Variants in WWP2 observed in about 807,000 individuals in gnomAD.
The protein encoded by WWP2 is NEDD4-like E3 ubiquitin-protein ligase WWP2.
A neutral mutation model predicts 121.0 loss-of-function variants in WWP2; 57 were observed. That is an observed-to-expected ratio of 0.47 (90% CI 0.38 to 0.59). The LOEUF (loss-of-function observed/expected upper bound fraction) is 0.59. Among genes scored for constraint, WWP2 ranks in the 20% least tolerant of loss-of-function variants. The pLI is 0.00. For synonymous variants in WWP2, 449 were observed against 441.3 expected, an observed-to-expected ratio of 1.02 and a Z score of -0.22; for missense variants, 962 against 1,158.9, an observed-to-expected ratio of 0.83 and a Z score of 2.47.
At chr16:69,918,958 C>G (rs2058515848) in intron 10 of WWP2, among the ~76,000 whole-genome samples, 1 of 150,892 alleles carries the variant, frequency 6.6e-6, no homozygotes, top group African/African-American at 2.4e-5. Flanking sequence ...ATTCTCCTGC[C>G]CCAGCCTCCC....
chr16:69,838,409 T>A (rs1289564099), intron 4 of WWP2, among the ~76,000 whole-genome samples: 5 of 147,962 alleles, frequency 3.4e-5, no homozygotes, highest in Non-Finnish European at 7.4e-5. Context: ...AGGTACTGGA[T>A]CTTGGCGTAA....
chr16:69,897,886 C>T (rs1018373082), intron 8 of WWP2, among the ~76,000 whole-genome samples: 31 of 151,480 alleles, frequency 2.0e-4, no homozygotes, highest in Admixed American at 1.7e-3. Context: ...CTAGCCTGGG[C>T]GACAGAGTGA....
intron 6 of WWP2, among the ~76,000 whole-genome samples, chr16:69,861,302 A>C (rs1195560456): frequency 6.6e-6 from 1 of 152,210 alleles, no homozygotes; most frequent in African/African-American, 2.4e-5. Flanking sequence ...TTCTCAGCTA[A>C]GCCCAACATA....
Position 69,822,532 on chromosome 16 carries a change from G to GGT in WWP2, c.341-17577_341-17576dup, listed in dbSNP as rs142800550. ...GGGAGACTTTGCCTGGCCTGGGTGG[G>GGT]GTGTGTGTGTGTGTGTGTTTGTGTG... On this transcript the variant is annotated intron_variant, in intron 4 of 23. Transcript: ENST00000359154. Among the ~76,000 whole-genome samples, 1,272 of 151,196 alleles carry GGT rather than the reference G, an allele frequency of 8.4e-3. 14 individuals carry two copies. Among genetic ancestry groups the GGT allele is most frequent in the African/African-American group, 0.025 (1,018 of 41,302 alleles).
At chr16:69,847,421 T>G (rs961769488) in intron 6 of WWP2, among the ~76,000 whole-genome samples, 1 of 150,676 alleles carries the variant, frequency 6.6e-6, no homozygotes, top group African/African-American at 2.4e-5. Context: ...TTTTTTTAAT[T>G]TTTTTGAGAT....
At chr16:69,921,849 G>A (rs1239885903) in intron 10 of WWP2, among the ~76,000 whole-genome samples, 10 of 152,090 alleles carry the variant, frequency 6.6e-5, no homozygotes, top group African/African-American at 2.4e-4. Flanking sequence ...TGAGGCAGGC[G>A]GATCACTTGA....
At chr16:69,849,814 A>AC (rs2057167437) in intron 6 of WWP2, among the ~76,000 whole-genome samples, 1 of 150,470 alleles carries the variant, frequency 6.6e-6, no homozygotes, top group Non-Finnish European at 1.5e-5. Context: ...TCTCTTAAAA[A>AC]AAAAATCATG....
At chr16:69,926,433 A>G (rs2058640710) in intron 11 of WWP2, among the ~76,000 whole-genome samples, 1 of 152,188 alleles carries the variant, frequency 6.6e-6, no homozygotes, top group Non-Finnish European at 1.5e-5. Flanking sequence ...GCGCTCGACA[A>G]CAAAGATGGA....
intron 6 of WWP2, among the ~76,000 whole-genome samples, chr16:69,849,175 C>G (rs1022090268): frequency 1.3e-5 from 2 of 152,112 alleles, no homozygotes; most frequent in Non-Finnish European, 2.9e-5. Flanking sequence ...GTGAACACTT[C>G]AGGAAGTCCT....
chr16:69,933,729 C>G (rs147724481), intron 16 of WWP2, among the ~76,000 whole-genome samples: 1 of 152,152 alleles, frequency 6.6e-6, no homozygotes, highest in African/African-American at 2.4e-5. Context: ...GACAATCACA[C>G]GTTTTCCCAA....
intron 4 of WWP2, among the ~76,000 whole-genome samples, chr16:69,808,822 G>A (rs550364998): frequency 6.6e-6 from 1 of 152,300 alleles, no homozygotes; most frequent in Admixed American, 6.5e-5. Flanking sequence ...CATGAACAAC[G>A]CTGACATAAA....
At chr16:69,790,694 G>A (rs2055891248) in intron 2 of WWP2, among the ~76,000 whole-genome samples, 1 of 152,112 alleles carries the variant, frequency 6.6e-6, no homozygotes, top group Non-Finnish European at 1.5e-5. Context: ...TCATGCCTCA[G>A]CCTCCCAAGG....
intron 6 of WWP2, among the ~76,000 whole-genome samples, chr16:69,869,400 T>G (rs2151913419): frequency 1.3e-5 from 2 of 150,542 alleles, no homozygotes; most frequent in South Asian, 4.2e-4. Flanking sequence ...ATTTTTTTTT[T>G]TTGTTAAACA....
At chr16:69,892,270 C>T (rs2058040414) in intron 8 of WWP2, among the ~76,000 whole-genome samples, 2 of 151,968 alleles carry the variant, frequency 1.3e-5, no homozygotes, top group African/African-American at 4.8e-5. Context: ...TATACACGTG[C>T]CATGGTGGTT....
rs527586515 is a variant in WWP2 at position 69,794,986 on chromosome 16, G to A, written c.71-3696G>A. Among the ~76,000 whole-genome samples, 65 of 152,208 alleles carry A rather than the reference G, an allele frequency of 4.3e-4. 1 individual carries two copies. The highest frequency in any genetic ancestry group is 1.5e-3 in the African/African-American group (62 of 41,526). On this transcript the variant is annotated intron_variant, in intron 2 of 23. Transcript: ENST00000359154. ...TCCCAGCATTTTGGAAAGCTCTGGCGGGTAGATCGCTTGAGTCCAGGTGGA... is the reference window on the plus strand; with the variant it reads ...TCCCAGCATTTTGGAAAGCTCTGGCAGGTAGATCGCTTGAGTCCAGGTGGA...
chr16:69,792,132 G>A (rs532685948), intron 2 of WWP2, among the ~76,000 whole-genome samples: 3 of 152,234 alleles, frequency 2.0e-5, no homozygotes, highest in South Asian at 2.1e-4. Flanking sequence ...GTGTGACTGC[G>A]CGGTTTCCAG....
chr16:69,823,472 T>TGG (rs2056628992), intron 4 of WWP2, among the ~76,000 whole-genome samples: 6 of 151,236 alleles, frequency 4.0e-5, no homozygotes, highest in African/African-American at 1.2e-4. Flanking sequence ...CTCTTTTTCT[T>TGG]GTGTTTTTTT....
At chr16:69,861,022 A>G (rs774994542) in intron 6 of WWP2, among the ~76,000 whole-genome samples, 1 of 152,200 alleles carries the variant, frequency 6.6e-6, no homozygotes, top group Non-Finnish European at 1.5e-5. Flanking sequence ...GCACCTGTAC[A>G]GGTTGTGCTC....
At position 69,888,041 on chromosome 16, in the gene WWP2, A is replaced by C; in HGVS notation, c.706A>C (p.Asn236His). The C allele has an allele frequency of 1.2e-6, 2 of 1,614,122 alleles. No individual in the cohort carries two copies. Among genetic ancestry groups the C allele is most frequent in the Non-Finnish European group, 1.7e-6 (2 of 1,179,990 alleles). Residue 236 changes from asparagine to histidine, a missense_variant and splice_region_variant, in exon 8 of 24, where the codon AAT becomes CAT. Physicochemically the swap from Asn to His is moderately conservative, Grantham distance 68 (BLOSUM62 1). Around this residue, in one of 3 missense-constraint regions of WWP2, gnomAD observed 211 missense variants for 196.5 expected, o/e 1.07. Transcript: ENST00000359154. ...GHSGLANGTV[N>H]DEPTTATDPE... is the part of the protein sequence containing the mutation. ...AAGTATGATTTGTGCATCTTCAGTG[A>C]ATGATGAACCCACAACAGCCACTGA...
Sources: allele counts gnomAD v4.1 joint callset (sites outside exome capture counted in the v4.1 genomes callset), GRCh38; gene constraint gnomAD v4.1.1; regional missense constraint gnomAD v4.1.1; transcripts MANE v1.5; gene names NCBI Gene and HGNC (gene_info 2026-07-23, HGNC 2026-07-21).